The following PARD3B variants were observed in gnomAD, a reference collection of about 807,000 sequenced individuals.
PARD3B encodes the protein partitioning defective 3 homolog B.
Under a neutral mutation model 130.2 loss-of-function variants are expected in PARD3B, and 103 were observed. That is an observed-to-expected ratio of 0.79 (90% CI 0.67 to 0.93). The LOEUF is 0.93. Ranked by LOEUF, PARD3B falls within the 40% of genes least tolerant of loss-of-function variation. PARD3B has a pLI of 0.00. For synonymous variants in PARD3B, 583 were observed against 553.2 expected (o/e 1.05, Z -0.76); for missense variants, 1,609 against 1,499.2 (o/e 1.07, Z -1.21).
intron 15 of PARD3B, among the ~76,000 whole-genome samples, chr2:205,221,843 ACT>A (rs1199945672): frequency 2.0e-5 from 3 of 152,040 alleles, no homozygotes; most frequent in African/African-American, 7.3e-5. Flanking sequence ...GGTGCGTGAG[ACT>A]CTAAACAACT....
intron 3 of PARD3B, among the ~76,000 whole-genome samples, chr2:205,006,187 C>A (rs1695253084): frequency 6.6e-6 from 1 of 152,132 alleles, no homozygotes; most frequent in African/African-American, 2.4e-5. Context: ...TGTATATATA[C>A]CACATTGTTT....
At chr2:204,582,487 GA>G (rs2032609713) in intron 1 of PARD3B, among the ~76,000 whole-genome samples, 1 of 120,106 alleles carries the variant, frequency 8.3e-6, no homozygotes, top group Non-Finnish European at 2.0e-5. Flanking sequence ...AAGTTTGAGT[GA>G]AAATAGATTG....
chr2:205,075,780 A>G (rs1006341316), intron 4 of PARD3B, among the ~76,000 whole-genome samples: 3 of 151,662 alleles, frequency 2.0e-5, no homozygotes, highest in Admixed American at 6.6e-5. Flanking sequence ...CTTGATCTCT[A>G]TGGTTAAACT....
intron 1 of PARD3B, among the ~76,000 whole-genome samples, chr2:204,649,865 A>G (rs760941541): frequency 6.6e-6 from 1 of 152,228 alleles, no homozygotes; most frequent in African/African-American, 2.4e-5. Context: ...CAAAGAGTTC[A>G]TCTTGGAGAT....
intron 1 of PARD3B, among the ~76,000 whole-genome samples, chr2:204,619,136 G>A (rs779879990): frequency 6.6e-5 from 10 of 152,102 alleles, no homozygotes; most frequent in Admixed American, 2.6e-4. Context: ...GTGCTAGAGG[G>A]CTGGATATTG....
intron 2 of PARD3B, among the ~76,000 whole-genome samples, chr2:204,963,389 C>T (rs1199547893): frequency 6.6e-6 from 1 of 152,034 alleles, no homozygotes; most frequent in Non-Finnish European, 1.5e-5. Context: ...ATTTAAGGCA[C>T]ATGGGTTATA....
At chr2:205,170,815 A>C (rs1193952946) in intron 11 of PARD3B, among the ~76,000 whole-genome samples, 1 of 137,354 alleles carries the variant, frequency 7.3e-6, no homozygotes. Context: ...TTTCTTTTAC[A>C]TTTCATTCTG....
intron 18 of PARD3B, among the ~76,000 whole-genome samples, chr2:205,310,419 G>C (rs1356835807): frequency 6.6e-6 from 1 of 151,932 alleles, no homozygotes; most frequent in East Asian, 1.9e-4. Flanking sequence ...AGTCACCATG[G>C]TGAATAATAG....
At chr2:205,441,251 G>A (rs1263073589) in intron 20 of PARD3B, among the ~76,000 whole-genome samples, 1 of 152,132 alleles carries the variant, frequency 6.6e-6, no homozygotes, top group Non-Finnish European at 1.5e-5. Flanking sequence ...AAGATAAGAG[G>A]TGACAAGTCC....
intron 3 of PARD3B, among the ~76,000 whole-genome samples, chr2:205,046,422 T>C (rs1025093199): frequency 2.6e-5 from 4 of 151,992 alleles, no homozygotes; most frequent in African/African-American, 9.7e-5. Context: ...GACTTTATAA[T>C]TCCTTTTGGC....
chr2:204,891,298 A>T (rs139039330), intron 2 of PARD3B, among the ~76,000 whole-genome samples: 1 of 152,002 alleles, frequency 6.6e-6, no homozygotes, highest in Non-Finnish European at 1.5e-5. Flanking sequence ...ACACTATATC[A>T]GTAGTAATCG....
chr2:205,116,576 A>C lies in PARD3B; in HGVS notation c.681-2345A>C, dbSNP rs2029868497. Among the ~76,000 whole-genome samples, 14 of 152,318 alleles carry C rather than the reference A, an allele frequency of 9.2e-5. 1 individual carries two copies. In the South Asian group the frequency reaches 2.9e-3, roughly 32 times the overall value. ...TCTCGGCCTATAACTCCTCGACAGCATTAATCTTTAAATTCTGCGAGTCTT... is the reference window on the plus strand; with the variant it reads ...TCTCGGCCTATAACTCCTCGACAGCCTTAATCTTTAAATTCTGCGAGTCTT... On this transcript the variant is annotated intron_variant, in intron 6 of 22. Coordinates refer to ENST00000406610, the MANE Select transcript of PARD3B (RefSeq NM_001302769.2). This position sits in a 1 kb window ranked among gnomAD's most constrained non-coding sequence, Gnocchi z 4.5.
chr2:205,233,386 A>T (rs1461645149), intron 15 of PARD3B, among the ~76,000 whole-genome samples: 2 of 152,130 alleles, frequency 1.3e-5, no homozygotes. Context: ...TAGAAGAAAA[A>T]TGGTACCAGA....
intron 21 of PARD3B, among the ~76,000 whole-genome samples, chr2:205,536,871 T>C (rs894476387): frequency 1.3e-5 from 2 of 152,122 alleles, no homozygotes; most frequent in Admixed American, 1.3e-4. Context: ...AAACAGAAGG[T>C]AAATCTGATT....
intron 18 of PARD3B, among the ~76,000 whole-genome samples, chr2:205,364,987 G>A (rs533335142): frequency 6.6e-6 from 1 of 152,180 alleles, no homozygotes; most frequent in African/African-American, 2.4e-5. Flanking sequence ...AGATCACGAG[G>A]TCAGGAGTTC....
intron 21 of PARD3B, among the ~76,000 whole-genome samples, chr2:205,535,983 C>A (rs148563985): frequency 9.3e-4 from 142 of 152,182 alleles, no homozygotes; most frequent in Middle Eastern, 3.4e-3. Context: ...AGGATTGAGA[C>A]GTAATCAAGG....
intron 4 of PARD3B, among the ~76,000 whole-genome samples, chr2:205,058,028 C>A (rs1429092384): frequency 6.6e-6 from 1 of 151,716 alleles, no homozygotes; most frequent in Admixed American, 6.6e-5. Context: ...TCTTCACCTT[C>A]CAACACTGAA....
chr2:204,819,283 G>A (rs2043251329), intron 2 of PARD3B, among the ~76,000 whole-genome samples: 2 of 152,084 alleles, frequency 1.3e-5, no homozygotes. Context: ...GTAACATTTT[G>A]GTTATTCTTG....
intron 20 of PARD3B, among the ~76,000 whole-genome samples, chr2:205,468,455 T>G (rs1191495609): frequency 6.6e-6 from 1 of 152,186 alleles, no homozygotes; most frequent in Non-Finnish European, 1.5e-5. Flanking sequence ...ACAGATGTAG[T>G]CTTCACTTTA....
Sources: allele counts gnomAD v4.1 joint callset (sites outside exome capture counted in the v4.1 genomes callset), GRCh38; gene constraint gnomAD v4.1.1; non-coding constraint Gnocchi (gnomAD v3.1); transcripts MANE v1.5; gene names NCBI Gene and HGNC (gene_info 2026-07-23, HGNC 2026-07-21).